Variants in SLIT1 observed in about 807,000 individuals in gnomAD.
SLIT1 encodes slit guidance ligand 1, also known as slit homolog 1 protein.
A neutral mutation model predicts 186.1 loss-of-function variants in SLIT1; 66 were observed. The ratio of observed to expected loss-of-function variants is 0.35; its 90% CI spans 0.29 to 0.44. The LOEUF (loss-of-function observed/expected upper bound fraction) is 0.44. Among genes scored for constraint, SLIT1 ranks in the 20% least tolerant of loss-of-function variants. The pLI, the probability that SLIT1 is intolerant of heterozygous loss-of-function variation, is 1.00. For missense variants in SLIT1, 1,638 were observed against 2,037.4 expected, an observed-to-expected ratio of 0.80 and a Z score of 3.77; for synonymous variants, 761 against 833.8, an observed-to-expected ratio of 0.91 and a Z score of 1.50.
intron 36 of SLIT1, among the ~76,000 whole-genome samples, chr10:97,001,816 C>T (rs1848312607): frequency 6.6e-6 from 1 of 152,094 alleles, no homozygotes; most frequent in Non-Finnish European, 1.5e-5. Flanking sequence ...GAAGGAGTCC[C>T]CAACCCTCGG....
intron 10 of SLIT1, 136 bp downstream of exon 10, chr10:97,059,951 G>T (rs1848876739): frequency 2.6e-6 from 2 of 766,322 alleles, no homozygotes; most frequent in South Asian, 2.9e-5. Flanking sequence ...AGCCTGAAGG[G>T]CAGGAAGGTC....
chr10:97,043,321 G>A lies in SLIT1; in HGVS notation c.1997+49C>T, dbSNP rs374498266. On this transcript the variant is annotated intron_variant, in intron 19 of 36. Coordinates refer to ENST00000266058, the MANE Select transcript of SLIT1 (RefSeq NM_003061.3). The surrounding 1 kb of genome is among the most constrained non-coding windows in gnomAD (Gnocchi z 7.0). The stretch of plus-strand genomic sequence containing the variant: ...CAAAGTGGCTGGCCGAGACGGTTGG[G>A]ACGGTTGCTCCAGAGCCCCCGCCCG... The A allele has an allele frequency of 8.1e-6, 13 of 1,609,654 alleles. No homozygotes were observed. The African/African-American group carries it at 1.7e-4, about 22-fold the overall frequency.
At chr10:97,160,236 G>A (rs1225799003) in intron 3 of SLIT1, among the ~76,000 whole-genome samples, 1 of 152,194 alleles carries the variant, frequency 6.6e-6, no homozygotes, top group Non-Finnish European at 1.5e-5. Flanking sequence ...AACCAGTTAT[G>A]TCTACTCCCA....
At chr10:97,177,173 T>G (rs1004392827) in intron 1 of SLIT1, among the ~76,000 whole-genome samples, 13 of 151,962 alleles carry the variant, frequency 8.6e-5, no homozygotes, top group African/African-American at 3.1e-4. Context: ...TCCCCTGAGG[T>G]CCCCCCATCT....
chr10:97,016,327 A>G (rs1463666465), intron 28 of SLIT1, among the ~76,000 whole-genome samples: 1 of 152,198 alleles, frequency 6.6e-6, no homozygotes, highest in African/African-American at 2.4e-5. Flanking sequence ...AAAAGTGTCA[A>G]AATGATGTGC....
At chr10:97,112,707 G>A (rs1023902157) in intron 4 of SLIT1, among the ~76,000 whole-genome samples, 1 of 152,068 alleles carries the variant, frequency 6.6e-6, no homozygotes, top group Non-Finnish European at 1.5e-5. Context: ...TTTTTGTTTT[G>A]TTTTGTTTTT....
At chr10:97,002,634 GAGGC>G in intron 35 of SLIT1, 66 bp downstream of exon 35, 1 of 1,407,980 alleles carries the variant, frequency 7.1e-7, no homozygotes, top group Non-Finnish European at 9.5e-7. Context: ...GGAAAACTGT[GAGGC>G]AGCCCTTCCC....
At chr10:97,169,800 AC>A (rs769846410) in intron 1 of SLIT1, among the ~76,000 whole-genome samples, 2 of 152,132 alleles carry the variant, frequency 1.3e-5, no homozygotes, top group Non-Finnish European at 2.9e-5. Context: ...TCATTTCACA[AC>A]CTATAAGGGG....
chr10:97,063,653 G>T (rs755497169), intron 7 of SLIT1, 35 bp from the exon 8 acceptor site: 27 of 1,554,922 alleles, frequency 1.7e-5, no homozygotes, highest in Admixed American at 3.6e-5. Context: ...AACCCATCTG[G>T]ATCCCCCAGC....
intron 4 of SLIT1, among the ~76,000 whole-genome samples, chr10:97,087,426 G>A (rs958614509): frequency 6.6e-6 from 1 of 152,160 alleles, no homozygotes; most frequent in Non-Finnish European, 1.5e-5. Flanking sequence ...CTCCATCCCT[G>A]CATTTGTCAC....
At chr10:97,046,402 A>G (rs773543491) in intron 18 of SLIT1, among the ~76,000 whole-genome samples, 1 of 152,242 alleles carries the variant, frequency 6.6e-6, no homozygotes, top group Non-Finnish European at 1.5e-5. Flanking sequence ...GACCCCTAGA[A>G]GGGTCCACAT....
chr10:97,081,468 C>A (rs1312491143), intron 4 of SLIT1, among the ~76,000 whole-genome samples: 18 of 152,194 alleles, frequency 1.2e-4, no homozygotes, highest in Non-Finnish European at 2.2e-4. Context: ...GGGTCCACTT[C>A]TCTACCAAAA....
At chr10:97,175,562 C>T (rs549865684) in intron 1 of SLIT1, among the ~76,000 whole-genome samples, 7 of 152,144 alleles carry the variant, frequency 4.6e-5, no homozygotes, top group Non-Finnish European at 8.8e-5. Context: ...TTTTGACAGT[C>T]GCAATCCGAG....
In SLIT1 at chr10:97,046,694, G is replaced by A. The variant is rs369984592; in HGVS notation, c.1813C>T (p.Arg605Trp). 4.7e-5 allele frequency: 75 copies of A among 1,611,462 alleles called. 1 individual carries two copies. The South Asian group carries it at 5.8e-4, about 13-fold the overall frequency. ...TCCAGACCCCGGAACATGCCGCTCC[G>A]GATGGACTCCAGCTGGTTGGCAGTT... Reference protein sequence around the residue: ...HLTANQLESIRSGMFRGLDGL... With the variant: ...HLTANQLESIWSGMFRGLDGL... The change falls in exon 18 of 37, where the codon CGG becomes TGG. Residue 605 changes from arginine (R) to tryptophan (W), a missense_variant. Around this residue, in one of 3 missense-constraint regions of SLIT1, gnomAD observed 1,245 missense variants for 1,535.3 expected, o/e 0.81. Transcript: ENST00000266058.
At chr10:97,027,913 G>T (rs146374428) in intron 25 of SLIT1, among the ~76,000 whole-genome samples, 7 of 152,072 alleles carry the variant, frequency 4.6e-5, no homozygotes, top group African/African-American at 1.5e-4. Context: ...ATACATTAAG[G>T]GGGGGCGGAA....
At chr10:97,018,151 T>C (rs1304875943) in intron 28 of SLIT1, among the ~76,000 whole-genome samples, 1 of 152,126 alleles carries the variant, frequency 6.6e-6, no homozygotes, top group Non-Finnish European at 1.5e-5. Context: ...ACGGCCTGAA[T>C]GGAAATTTAT....
At chr10:97,107,069 C>A (rs1849421911) in intron 4 of SLIT1, among the ~76,000 whole-genome samples, 1 of 152,222 alleles carries the variant, frequency 6.6e-6, no homozygotes, top group Non-Finnish European at 1.5e-5. Context: ...CAAGAGGGAG[C>A]CTTGAGGGTC....
intron 4 of SLIT1, among the ~76,000 whole-genome samples, chr10:97,145,314 C>T (rs1023546404): frequency 1.3e-5 from 2 of 152,076 alleles, no homozygotes; most frequent in Non-Finnish European, 2.9e-5. Context: ...GACAGGGTTT[C>T]GCCCTGTTGG....
chr10:97,119,648 T>C (rs1045668972), intron 4 of SLIT1, among the ~76,000 whole-genome samples: 4 of 149,888 alleles, frequency 2.7e-5, no homozygotes, highest in African/African-American at 9.8e-5. Flanking sequence ...CCTCCCTGGC[T>C]TTGCATCTGA....
Sources: allele counts gnomAD v4.1 joint callset (sites outside exome capture counted in the v4.1 genomes callset), GRCh38; gene constraint gnomAD v4.1.1; regional missense constraint gnomAD v4.1.1; non-coding constraint Gnocchi (gnomAD v3.1); transcripts MANE v1.5; gene names NCBI Gene and HGNC (gene_info 2026-07-23, HGNC 2026-07-21).